Variants in CELF3 observed in about 807,000 individuals in gnomAD.
CELF3 encodes the protein CAG repeat domain.
In CELF3, 26 loss-of-function variants were observed where a neutral mutation model predicts 59.6. The observed-to-expected ratio is 0.44, with a 90% confidence interval of 0.32 to 0.61. The LOEUF is 0.61. Among genes scored for constraint, CELF3 ranks in the 20% least tolerant of loss-of-function variants. The probability of loss-of-function intolerance (pLI) is 0.06; values close to 1 mark genes in which losing one functional copy is unlikely to be tolerated. For synonymous variants in CELF3, 245 were observed against 250.7 expected, an observed-to-expected ratio of 0.98 and a Z score of 0.22; for missense variants, 387 against 627.2, an observed-to-expected ratio of 0.62 and a Z score of 4.09.
chr1:151,701,712 G>A lies in CELF3; in HGVS notation c.*1747C>T, dbSNP rs538928177. Among the ~76,000 whole-genome samples, 59 of 151,936 alleles carry A rather than the reference G, an allele frequency of 3.9e-4. No individual in the cohort carries two copies. The highest frequency in any genetic ancestry group is 6.8e-3 in the Middle Eastern group (2 of 292). ...GAGGTTTGCTTGAGCCCAGGGGTTCGAGACCAGCCTGGGCAACATAGCAAG... is the reference window on the plus strand; with the variant it reads ...GAGGTTTGCTTGAGCCCAGGGGTTCAAGACCAGCCTGGGCAACATAGCAAG... On this transcript the variant is annotated 3_prime_UTR_variant, in exon 13 of 13. Transcript: ENST00000290583.
Position 151,709,838 on chromosome 1 carries a change from C to T in CELF3, c.229-47G>A. Reference sequence around the variant, plus strand: ...AGCTGCTGGGGACCTCCTCTGAACACCCAAGAGCCCTCCCAGGCCAGGCCC... The same window carrying T: ...AGCTGCTGGGGACCTCCTCTGAACATCCAAGAGCCCTCCCAGGCCAGGCCC... On this transcript the variant is annotated intron_variant, in intron 2 of 12. Coordinates refer to ENST00000290583, the MANE Select transcript of CELF3 (RefSeq NM_007185.7). This position sits in a 1 kb window ranked among gnomAD's most constrained non-coding sequence, Gnocchi z 4.9. 1 of 1,584,978 alleles carries T rather than the reference C, an allele frequency of 6.3e-7. No individual in the cohort carries two copies. Among genetic ancestry groups the T allele is most frequent in the Non-Finnish European group, 8.7e-7 (1 of 1,153,344 alleles).
chr1:151,711,751 A>G (rs777788385), intron 2 of CELF3: 2 of 152,256 alleles, frequency 1.3e-5, no homozygotes, highest in African/African-American at 4.8e-5. Context: ...CCCACGCCAA[A>G]AGAAGCAGAA....
Position 151,716,658 on chromosome 1 carries a change from T to A in CELF3, c.-638A>T. The A allele has an allele frequency of 5.9e-6, 1 of 168,690 alleles. No individual in the cohort carries two copies. Among genetic ancestry groups the A allele is most frequent in the Non-Finnish European group, 1.2e-5 (1 of 80,200 alleles). 10.4% of individuals were successfully genotyped at this position (168,690 alleles called of 1,614,324 possible). On this transcript the variant is annotated 5_prime_UTR_variant, in exon 1 of 13. Transcript: ENST00000290583. ...TTTTGCCCTGCCGCCCCCCTTCAGG[T>A]CCTCCCCTCAGCCCCCCTCCCACCC...
At position 151,703,015 on chromosome 1, in the gene CELF3, C is replaced by A; in HGVS notation, c.*444G>T. 2.7e-6 allele frequency: 1 copy of A among 365,158 alleles called. No individual in the cohort carries two copies. The highest frequency in any genetic ancestry group is 5.4e-6 in the Non-Finnish European group (1 of 183,528). 22.6% of individuals were successfully genotyped at this position (365,158 alleles called of 1,614,324 possible). Reference sequence around the variant, plus strand: ...GGAGTGAGAGCCAGCTTCCAAGAAACCCCTAATGTGGGGAAGAGGCTGGGG... The same window carrying A: ...GGAGTGAGAGCCAGCTTCCAAGAAAACCCTAATGTGGGGAAGAGGCTGGGG... On this transcript the variant is annotated 3_prime_UTR_variant, in exon 13 of 13. Transcript: ENST00000290583.
At position 151,703,189 on chromosome 1, in the gene CELF3, G is replaced by A. The variant is rs1291939745; in HGVS notation, c.*270C>T. On this transcript the variant is annotated 3_prime_UTR_variant, in exon 13 of 13. Transcript: ENST00000290583. ...CCCAGCAGAAGGCAGATACCCCGGA[G>A]CCTTCGAGCCTGTTCCTCGCTCCCT... 4.4e-6 allele frequency: 2 copies of A among 459,274 alleles called. No homozygotes were observed. The highest frequency in any genetic ancestry group is 1.4e-4 in the East Asian group (2 of 14,478). The allele number at this position is 459,274 out of a possible 1,614,324, so 28.4% of individuals were successfully genotyped here. A position where few individuals can be genotyped will look rare whatever the true frequency, so the allele number is the denominator to read the frequency against.
In CELF3 at chr1:151,707,785, T is replaced by C. The variant is rs1672696572; in HGVS notation, c.630+7A>G. ...AGGGCTGGCCCGGCATCAGGGGCAG[T>C]GCTCACGGCCTGGGTGTAGGCGCTG... On this transcript the variant is annotated splice_region_variant and intron_variant, in intron 6 of 12. Transcript: ENST00000290583. 1 of 1,610,872 alleles carries C rather than the reference T, an allele frequency of 6.2e-7. No homozygotes were observed.
At chr1:151,713,142 C>G (rs553024681) in intron 2 of CELF3, among the ~76,000 whole-genome samples, 2 of 152,308 alleles carry the variant, frequency 1.3e-5, no homozygotes, top group African/African-American at 4.8e-5. Context: ...GGATTCTGTC[C>G]CCTGGGACAA....
In CELF3 at chr1:151,701,363, A is replaced by G. The variant is rs1226889517; in HGVS notation, c.*2096T>C. ...TGTGATCCTGAGCCTGCCCTAAAGC[A>G]GCTCACAGAGAAGAATCTAGGAAGT... On this transcript the variant is annotated 3_prime_UTR_variant, in exon 13 of 13. Transcript: ENST00000290583. Among the ~76,000 whole-genome samples, 1 of 152,182 alleles carries G rather than the reference A, an allele frequency of 6.6e-6. No homozygotes were observed. The highest frequency in any genetic ancestry group is 1.5e-5 in the Non-Finnish European group (1 of 68,018).
intron 1 of CELF3, 110 bp downstream of exon 1, chr1:151,715,766 T>C: frequency 1.3e-6 from 2 of 1,596,688 alleles, no homozygotes; most frequent in South Asian, 1.1e-5. Context: ...GCCTGAACTC[T>C]TCTCCTTCCA....
At chr1:151,715,654 T>C in intron 1 of CELF3, 1 of 1,509,556 alleles carries the variant, frequency 6.6e-7, no homozygotes, top group Non-Finnish European at 8.8e-7. Context: ...GCAGCCGTCT[T>C]GACAACTCTT....
Position 151,707,277 on chromosome 1 carries a change from C to T in CELF3, c.790G>A (p.Ala264Thr). Residue 264 changes from alanine (A) to threonine (T), a missense_variant, in exon 8 of 13, where the codon GCC becomes ACC. By Grantham distance (58) the Ala-to-Thr change is moderately conservative (BLOSUM62 0). Transcript: ENST00000290583. ...TPSSGTSTPP[A>T]IAATPVSAIP... ...GCAGAGACAGGCGTGGCAGCGATGG[C>T]AGGAGGGGTGCTGGTTCCTGGGGAG... The T allele has an allele frequency of 6.4e-7, 1 of 1,570,070 alleles. No individual in the cohort carries two copies. Among genetic ancestry groups the T allele is most frequent in the African/African-American group, 1.4e-5 (1 of 73,684 alleles).
Position 151,706,241 on chromosome 1 carries a change from T to A in CELF3, c.1109A>T (p.Gln370Leu). 6.2e-7 allele frequency: 1 copy of A among 1,602,888 alleles called. No individual in the cohort carries two copies. Among genetic ancestry groups the A allele is most frequent in the Non-Finnish European group, 8.5e-7 (1 of 1,175,196 alleles). ...QQQQQQQQQQQQQQREGPDGC... is the reference protein window; with the variant it reads ...QQQQQQQQQQLQQQREGPDGC... ...GCCAGCACCTTCTCTTTGCTGCTGC[T>A]GCTGTTGCTGCTGCTGCTGCTGCTG... The change falls in exon 10 of 13, where the codon CAG becomes CTG. Residue 370 changes from glutamine to leucine, a missense_variant. Around this residue, in one of 3 missense-constraint regions of CELF3, gnomAD observed 131 missense variants for 153.7 expected, o/e 0.85. Transcript: ENST00000290583.
At position 151,716,700 on chromosome 1, in the gene CELF3, G is replaced by T; in HGVS notation, c.-680C>A. ...CTCCCACCCCCACCCCAGTCCCCGGGCCTGGGCTGCTGCCGGCTGCTCCCG... is the reference window on the plus strand; with the variant it reads ...CTCCCACCCCCACCCCAGTCCCCGGTCCTGGGCTGCTGCCGGCTGCTCCCG... On this transcript the variant is annotated 5_prime_UTR_variant, in exon 1 of 13. Transcript: ENST00000290583. 2.4e-6 allele frequency: 1 copy of T among 414,764 alleles called. No homozygotes were observed. The highest frequency in any genetic ancestry group is 4.9e-6 in the Non-Finnish European group (1 of 202,792). 25.7% of individuals were successfully genotyped at this position (414,764 alleles called of 1,614,324 possible).
chr1:151,705,021 C>A lies in CELF3; in HGVS notation c.*10+10G>T, dbSNP rs182793695. 1.2e-6 allele frequency: 2 copies of A among 1,603,896 alleles called. No individual in the cohort carries two copies. Among genetic ancestry groups the A allele is most frequent in the South Asian group, 2.2e-5 (2 of 90,218 alleles). Reference sequence around the variant, plus strand: ...GCTGGGGAGGGAGGCCACAACGGAGCGGGACCCACCTGGGGGCCCTCAGTA... The same window carrying A: ...GCTGGGGAGGGAGGCCACAACGGAGAGGGACCCACCTGGGGGCCCTCAGTA... On this transcript the variant is annotated intron_variant, in intron 12 of 12. Coordinates refer to ENST00000290583, the MANE Select transcript of CELF3 (RefSeq NM_007185.7). This position sits in a 1 kb window ranked among gnomAD's most constrained non-coding sequence, Gnocchi z 5.1.
intron 2 of CELF3, chr1:151,710,467 G>C (rs1027091083): frequency 5.9e-6 from 2 of 337,626 alleles, no homozygotes; most frequent in African/African-American, 4.3e-5. Context: ...CAGAGAAGGA[G>C]TGGGGTGGGG....
In CELF3 at chr1:151,709,260, G is replaced by T; in HGVS notation, c.366C>A (p.Asp122Glu). Residue 122 changes from aspartate to glutamate, a missense_variant, in exon 4 of 13, where the codon GAC becomes GAA. Transcript: ENST00000290583. This position sits in a 1 kb window ranked among gnomAD's most constrained non-coding sequence, Gnocchi z 4.9. ...CTGGCCCCCGGAGCACAGTGCACTC[G>T]TCGATGGTCCCGAAGGGCTCAAACA... ...RKMFEPFGTIDECTVLRGPDG... is the reference protein window; with the variant it reads ...RKMFEPFGTIEECTVLRGPDG... The T allele has an allele frequency of 6.2e-7, 1 of 1,614,066 alleles. No homozygotes were observed. The highest frequency in any genetic ancestry group is 8.5e-7 in the Non-Finnish European group (1 of 1,179,960).
intron 12 of CELF3, among the ~76,000 whole-genome samples, chr1:151,703,879 G>T (rs1255632535): frequency 6.6e-6 from 1 of 152,126 alleles, no homozygotes; most frequent in East Asian, 1.9e-4. Context: ...CACGGCTCAG[G>T]GATGGAGTCT....
Position 151,706,303 on chromosome 1 carries a change from C to T in CELF3, c.1047G>A (p.Leu349=), listed in dbSNP as rs1214427375. The T allele has an allele frequency of 2.6e-6, 4 of 1,561,636 alleles. No individual in the cohort carries two copies. The highest frequency in any genetic ancestry group is 3.5e-6 in the Non-Finnish European group (4 of 1,153,274). The change falls in exon 10 of 13, where the codon CTG becomes CTA. Residue 349 remains leucine (L), a synonymous_variant. Coordinates refer to ENST00000290583, the MANE Select transcript of CELF3 (RefSeq NM_007185.7). ...GTGGTGGTGGGGGCTGCTGGGCGAC[C>T]AGGGCTGGAGGCTGCGGGAACGCAG... ...VAPAFPQPPA[L]VAQQPPPPPQ...
rs749269199 is a variant in CELF3 at position 151,705,008 on chromosome 1, G to A, written c.*10+23C>T. The A allele has an allele frequency of 6.3e-7, 1 of 1,594,116 alleles. No homozygotes were observed. Among genetic ancestry groups the A allele is most frequent in the Admixed American group, 1.7e-5 (1 of 59,184 alleles). On this transcript the variant is annotated intron_variant, in intron 12 of 12. Coordinates refer to ENST00000290583, the MANE Select transcript of CELF3 (RefSeq NM_007185.7). The surrounding 1 kb of genome is among the most constrained non-coding windows in gnomAD (Gnocchi z 5.1). ...TGCAGTGTGTGAAGCTGGGGAGGGA[G>A]GCCACAACGGAGCGGGACCCACCTG...
Sources: allele counts gnomAD v4.1 joint callset (sites outside exome capture counted in the v4.1 genomes callset), GRCh38; gene constraint gnomAD v4.1.1; regional missense constraint gnomAD v4.1.1; non-coding constraint Gnocchi (gnomAD v3.1); transcripts MANE v1.5; gene names NCBI Gene and HGNC (gene_info 2026-07-23, HGNC 2026-07-21).